Variants in NBPF26 observed in about 807,000 individuals in gnomAD.
NBPF26 encodes the protein NBPF member 26.
Under a neutral mutation model 119.6 loss-of-function variants are expected in NBPF26, and 79 were observed. The ratio of observed to expected loss-of-function variants is 0.66; its 90% confidence interval spans 0.55 to 0.80. NBPF26 has a LOEUF of 0.80. NBPF26 is among the 30% of genes least tolerant of loss of function. The probability of loss-of-function intolerance (pLI) is 0.00; values close to 1 mark genes in which losing one functional copy is unlikely to be tolerated. For missense variants in NBPF26, 800 were observed against 1,198.2 expected (o/e 0.67, Z 4.91); for synonymous variants, 299 against 457.7 (o/e 0.65, Z 4.43).
rs1395121586 is a variant in NBPF26, at chr1:120,793,426, C to T, written c.681C>T (p.His227=). The T allele has an allele frequency of 2.8e-6, 4 of 1,442,584 alleles. 1 individual carries two copies. The highest frequency in any genetic ancestry group is 3.7e-6 in the Non-Finnish European group (4 of 1,079,654). The allele number at this position is 1,442,584 out of a possible 1,614,324, so 89.4% of individuals were successfully genotyped here. ...ACAGACTGTATGTGCCCTGTGCACA[C>T]TCGCCTTGTGTCAATGGAGGCACCT... Residue 227 remains histidine (H), a synonymous_variant, in exon 4 of 30, where the codon CAC becomes CAT. Transcript: ENST00000620612.
In NBPF26 at chr1:120,727,135, G is replaced by GA. The variant is rs1324444890; in HGVS notation, c.73+2892dup. 2.3e-4 allele frequency among the ~76,000 whole-genome samples: 25 copies of GA among 106,880 alleles called. 4 individuals carry two copies. Among genetic ancestry groups the GA allele is most frequent in the African/African-American group, 1.3e-3 (23 of 17,836 alleles). The allele number at this position is 106,880 out of a possible 152,430, so 70.1% of individuals were successfully genotyped here. A position where few individuals can be genotyped will look rare whatever the true frequency, so the allele number is the denominator to read the frequency against. ...CCTCCCTACCTCTCCCATTATGGTAGAAAAAAACTCTGTGTCCTGGCTACA... is the reference window on the plus strand; with the variant it reads ...CCTCCCTACCTCTCCCATTATGGTAGAAAAAAAACTCTGTGTCCTGGCTACA... On this transcript the variant is annotated intron_variant, in intron 1 of 29. Coordinates refer to ENST00000620612, the Ensembl canonical transcript of NBPF26.
At chr1:120,755,997 T>C (rs1651076387) in intron 1 of NBPF26, among the ~76,000 whole-genome samples, 1 of 112,374 alleles carries the variant, frequency 8.9e-6, no homozygotes, top group Non-Finnish European at 1.7e-5. Context: ...GACAGATGTT[T>C]CTCCACTTCG....
rs1420162159 is a variant in NBPF26, at chr1:120,770,360, G to A, written c.155+6651G>A. On this transcript the variant is annotated intron_variant, in intron 2 of 29. Transcript: ENST00000620612. ...AATTTTTTGTATTTTTAGTAGAGAC[G>A]GGGTTTCACTGTGTTAGCCAGGATG... 2.7e-5 allele frequency among the ~76,000 whole-genome samples: 3 copies of A among 109,982 alleles called. 1 individual carries two copies. The highest frequency in any genetic ancestry group is 3.4e-5 in the Non-Finnish European group (2 of 58,806). The allele number at this position is 109,982 out of a possible 152,430, so 72.2% of individuals were successfully genotyped here.
At chr1:120,811,425 A>G (rs1651862744) in intron 9 of NBPF26, among the ~76,000 whole-genome samples, 2 of 111,288 alleles carry the variant, frequency 1.8e-5, no homozygotes, top group East Asian at 4.2e-4. Context: ...GGCGCTTGTA[A>G]TCCCAGATGC....
At position 120,823,293 on chromosome 1, in the gene NBPF26, C is replaced by A. The variant is rs1232703553; in HGVS notation, c.2588-16C>A. On this transcript the variant is annotated splice_polypyrimidine_tract_variant and intron_variant, in intron 16 of 29. Transcript: ENST00000620612. ...AACTGCTTAATGTAAGAGGGCCCAT[C>A]TGAATTTATTTGCAGGACATCGGTG... 1.8e-4 allele frequency: 232 copies of A among 1,320,526 alleles called. 33 individuals carry two copies. The highest frequency in any genetic ancestry group is 1.4e-3 in the Middle Eastern group (7 of 4,836). 81.8% of individuals were successfully genotyped at this position (1,320,526 alleles called of 1,614,324 possible).
chr1:120,802,221 C>G (rs1233322880), intron 4 of NBPF26, among the ~76,000 whole-genome samples: 2 of 123,962 alleles, frequency 1.6e-5, no homozygotes, highest in African/African-American at 3.9e-5. Context: ...CAAACACATT[C>G]CAGGCCCCAC....
intron 1 of NBPF26, among the ~76,000 whole-genome samples, chr1:120,727,813 C>G (rs1377553634): frequency 8.5e-6 from 1 of 117,900 alleles, no homozygotes; most frequent in Middle Eastern, 3.8e-3. Context: ...GTTTCCCCCC[C>G]TTTCTCTGCA....
chr1:120,790,535 C>CCTTCCTTT lies in NBPF26; in HGVS notation c.416-2623_416-2622insCCTTTCTT, dbSNP rs1256273353. ...TTGATTCTTTCTTTCTTTCTCCCTC[C>CCTTCCTTT]CTTTCTTTCTTTCTTTCTTTCTTTC... On this transcript the variant is annotated intron_variant, in intron 3 of 29. Transcript: ENST00000620612. Among the ~76,000 whole-genome samples the CCTTCCTTT allele has an allele frequency of 9.9e-4, 76 of 76,714 alleles. 8 individuals are homozygous for CCTTCCTTT. In the East Asian group the frequency reaches 0.022, roughly 22 times the overall value. The allele number at this position is 76,714 out of a possible 152,430, so 50.3% of individuals were successfully genotyped here. A position where few individuals can be genotyped will look rare whatever the true frequency, so the allele number is the denominator to read the frequency against.
intron 15 of NBPF26, 124 bp from the exon 16 acceptor site, chr1:120,821,980 G>A (rs1652127653): frequency 4.5e-6 from 5 of 1,117,132 alleles, no homozygotes; most frequent in Middle Eastern, 2.9e-4. Flanking sequence ...TCCTCTTGAA[G>A]GAAAAATGCC....
At chr1:120,822,037 G>A (rs1257165066) in intron 15 of NBPF26, 67 bp from the exon 16 acceptor site, 7 of 1,443,652 alleles carry the variant, frequency 4.8e-6, no homozygotes, top group African/African-American at 5.0e-5. Flanking sequence ...AGATCATCTG[G>A]GAGGTTTTGT....
rs1651210543 is a variant in NBPF26 at position 120,767,833 on chromosome 1, G to T, written c.155+4124G>T. 1.8e-5 allele frequency among the ~76,000 whole-genome samples: 2 copies of T among 110,670 alleles called. 1 individual carries two copies. Among genetic ancestry groups the T allele is most frequent in the African/African-American group, 1.1e-4 (2 of 18,168 alleles). The allele number at this position is 110,670 out of a possible 152,430, so 72.6% of individuals were successfully genotyped here. ...CACTAGGATTCTGGGGGTAGGTTAG[G>T]TTATGATTTGTATAATTGACAAAAT... On this transcript the variant is annotated intron_variant, in intron 2 of 29. Transcript: ENST00000620612.
In NBPF26 at chr1:120,805,587, C is replaced by G. The variant is rs1553269694; in HGVS notation, c.783C>G (p.Val261=). 8.9e-6 allele frequency: 13 copies of G among 1,456,738 alleles called. 3 individuals carry two copies. The highest frequency in any genetic ancestry group is 4.0e-5 in the African/African-American group (2 of 49,548). The allele number at this position is 1,456,738 out of a possible 1,614,324, so 90.2% of individuals were successfully genotyped here. Residue 261 remains valine (V), a synonymous_variant, in exon 5 of 30, where the codon GTC becomes GTG. Coordinates refer to ENST00000620612, the Ensembl canonical transcript of NBPF26. ...ACTCCACCTCTTCTGCCACAAACGT[C>G]AGCATGGTGGTATCAGCCGGCCATT...
At chr1:120,823,793 T>TGTG (rs1652190032) in intron 17 of NBPF26, among the ~76,000 whole-genome samples, 181 bp from the exon 18 acceptor site, 1 of 112,590 alleles carries the variant, frequency 8.9e-6, no homozygotes, top group African/African-American at 5.0e-5. Flanking sequence ...TGTGTGTGTC[T>TGTG]TTCATCTTTT....
rs1376779271 is a variant in NBPF26 at position 120,814,666 on chromosome 1, A to G, written c.1878-163A>G. 3.3e-5 allele frequency among the ~76,000 whole-genome samples: 4 copies of G among 123,000 alleles called. 1 individual carries two copies. Among genetic ancestry groups the G allele is most frequent in the Admixed American group, 3.2e-4 (4 of 12,574 alleles). 80.7% of individuals were successfully genotyped at this position (123,000 alleles called of 152,430 possible). A position where few individuals can be genotyped will look rare whatever the true frequency, so the allele number is the denominator to read the frequency against. On this transcript the variant is annotated intron_variant, in intron 11 of 29. Coordinates refer to ENST00000620612, the Ensembl canonical transcript of NBPF26. ...CTGATTCAGAGGAAGCCTGTAAACCATTTTCTATTCTTTCTCTTGGCCACA... is the reference window on the plus strand; with the variant it reads ...CTGATTCAGAGGAAGCCTGTAAACCGTTTTCTATTCTTTCTCTTGGCCACA...
At chr1:120,825,199 A>G (rs1396311208) in intron 18 of NBPF26, among the ~76,000 whole-genome samples, 2 of 122,526 alleles carry the variant, frequency 1.6e-5, no homozygotes, top group African/African-American at 4.6e-5. Flanking sequence ...CACTCTTTTC[A>G]TGATCACTGT....
In NBPF26 at chr1:120,811,726, T is replaced by G. The variant is rs2101509449; in HGVS notation, c.1565-160T>G. Among the ~76,000 whole-genome samples the G allele has an allele frequency of 1.8e-5, 2 of 113,214 alleles. 1 individual carries two copies. The highest frequency in any genetic ancestry group is 1.0e-4 in the African/African-American group (2 of 19,722). The allele number at this position is 113,214 out of a possible 152,430, so 74.3% of individuals were successfully genotyped here. A position where few individuals can be genotyped will look rare whatever the true frequency, so the allele number is the denominator to read the frequency against. ...AGGTGACTGCATAGCTAAGACAAGT[T>G]GACTTAAAGGAGATCAAGACTGGAG... On this transcript the variant is annotated intron_variant, in intron 9 of 29. Transcript: ENST00000620612.
intron 5 of NBPF26, among the ~76,000 whole-genome samples, chr1:120,807,328 T>G (rs1651721475): frequency 8.0e-6 from 1 of 125,190 alleles, no homozygotes; most frequent in Non-Finnish European, 1.6e-5. Flanking sequence ...GAGTCAGACC[T>G]CAGGGACTGT....
chr1:120,750,738 T>A (rs1429437451), intron 1 of NBPF26, among the ~76,000 whole-genome samples: 1 of 113,736 alleles, frequency 8.8e-6, no homozygotes, highest in East Asian at 2.2e-4. Context: ...ACATAAAAAC[T>A]CACTGTGCTC....
At chr1:120,812,934 A>C (rs1369865410) in intron 10 of NBPF26, among the ~76,000 whole-genome samples, 14 of 115,772 alleles carry the variant, frequency 1.2e-4, no homozygotes, top group African/African-American at 1.9e-4. Context: ...TAATAATAAT[A>C]ATAATAATAA....
Sources: gnomAD v4.1 joint callset for allele counts (sites outside exome capture counted in the v4.1 genomes callset) on GRCh38, gnomAD v4.1.1 for gene constraint, MANE v1.5 for transcripts, NCBI Gene and HGNC (gene_info 2026-07-23, HGNC 2026-07-21) for gene names.